Variants in HNRNPM observed in about 807,000 individuals in gnomAD.
HNRNPM encodes CEA receptor.
HNRNPM carries 11 observed loss-of-function variants against 73.1 expected under a neutral mutation model. The observed-to-expected ratio is 0.15, with a 90% confidence interval of 0.09 to 0.25. HNRNPM has a LOEUF of 0.25. HNRNPM is among the 10% of genes least tolerant of loss of function. HNRNPM has a pLI of 1.00. For synonymous variants in HNRNPM, 407 were observed against 355.2 expected (o/e 1.15, Z -1.64); for missense variants, 789 against 1,067.9 (o/e 0.74, Z 3.64).
At chr19:8,470,389 G>A (rs939203205) in intron 9 of HNRNPM, among the ~76,000 whole-genome samples, 1 of 152,080 alleles carries the variant, frequency 6.6e-6, no homozygotes, top group African/African-American at 2.4e-5. Flanking sequence ...GTGCAGTGGT[G>A]CGGTCTTGGC....
intron 12 of HNRNPM, among the ~76,000 whole-genome samples, chr19:8,478,161 C>T (rs1970649108): frequency 6.6e-6 from 1 of 152,144 alleles, no homozygotes; most frequent in Admixed American, 6.6e-5. Context: ...GTTTGTGTGG[C>T]TGTAATGGAA....
intron 8 of HNRNPM, among the ~76,000 whole-genome samples, chr19:8,468,087 A>G (rs1969880700): frequency 1.3e-5 from 2 of 152,136 alleles, no homozygotes; most frequent in Admixed American, 1.3e-4. Flanking sequence ...TGCATTAGAT[A>G]TTTTTCCTTT....
chr19:8,486,249 G>A lies in HNRNPM; in HGVS notation c.1821G>A (p.Met607Ile). Reference sequence around the variant, plus strand: ...CCCTGGGCGCTGGCATTGAGCGCATGGGCCTGGCCATGGGTGGCGGTGGCG... The same window carrying A: ...CCCTGGGCGCTGGCATTGAGCGCATAGGCCTGGCCATGGGTGGCGGTGGCG... ...GPALGAGIERMGLAMGGGGGA... is the reference protein window; with the variant it reads ...GPALGAGIERIGLAMGGGGGA... Residue 607 changes from methionine (M) to isoleucine (I), a missense_variant, in exon 14 of 16, where the codon ATG becomes ATA. Coordinates refer to ENST00000325495, the MANE Select transcript of HNRNPM (RefSeq NM_005968.5). 3 of 1,603,194 alleles carry A rather than the reference G, an allele frequency of 1.9e-6. No individual in the cohort carries two copies. The highest frequency in any genetic ancestry group is 1.7e-6 in the Non-Finnish European group (2 of 1,179,574).
intron 12 of HNRNPM, among the ~76,000 whole-genome samples, chr19:8,475,977 A>G (rs1157387194): frequency 6.8e-6 from 1 of 148,066 alleles, no homozygotes; most frequent in Non-Finnish European, 1.5e-5. Context: ...TGTGAGGAGT[A>G]GAGTGATGCA....
chr19:8,488,143 C>T (rs1218686160), intron 15 of HNRNPM: 1 of 152,486 alleles, frequency 6.6e-6, no homozygotes, highest in Non-Finnish European at 1.5e-5. Flanking sequence ...CCCTACCTGC[C>T]CTGGGCCCTC....
chr19:8,483,044 C>T, intron 12 of HNRNPM, 114 bp from the exon 13 acceptor site: 1 of 682,884 alleles, frequency 1.5e-6, no homozygotes, highest in Non-Finnish European at 2.6e-6. Flanking sequence ...AAACCCCTTT[C>T]CCTTTATCTT....
In HNRNPM at chr19:8,448,304, T is replaced by C. The variant is rs190013011; in HGVS notation, c.113+3193T>C. ...TCCTGGGTGTGAGAATAGGATTTGC[T>C]TAATTTTGATGAGAAGTCTGTTCCA... On this transcript the variant is annotated intron_variant, in intron 1 of 15. Coordinates refer to ENST00000325495, the MANE Select transcript of HNRNPM (RefSeq NM_005968.5). 6.6e-5 allele frequency among the ~76,000 whole-genome samples: 10 copies of C among 152,268 alleles called. No individual in the cohort carries two copies. The East Asian group carries it at 1.7e-3, about 26-fold the overall frequency.
At chr19:8,455,722 T>C (rs1209961718) in intron 2 of HNRNPM, 148 bp downstream of exon 2, 1 of 520,644 alleles carries the variant, frequency 1.9e-6, no homozygotes, top group Non-Finnish European at 3.4e-6. Flanking sequence ...TTACCCCACC[T>C]CAGTTTTTTT....
intron 1 of HNRNPM, among the ~76,000 whole-genome samples, chr19:8,449,170 CA>C (rs528302238): frequency 1.4e-3 from 217 of 152,312 alleles, no homozygotes; most frequent in African/African-American, 5.0e-3. Flanking sequence ...GATTAGAAGA[CA>C]GGGTTTTGGA....
chr19:8,487,091 G>A lies in HNRNPM; in HGVS notation c.2029+16G>A, dbSNP rs1466626253. 3.7e-6 allele frequency: 6 copies of A among 1,607,548 alleles called. No homozygotes were observed. The highest frequency in any genetic ancestry group is 1.3e-5 in the African/African-American group (1 of 74,784). On this transcript the variant is annotated intron_variant, in intron 15 of 15. Coordinates refer to ENST00000325495, the MANE Select transcript of HNRNPM (RefSeq NM_005968.5). ...AACGAGTGCGGTAAGTGTTGGGAAC[G>A]GCTTTGTAGGTGCTTCCCTCGTGCT...
At chr19:8,477,813 CTG>C (rs1970624870) in intron 12 of HNRNPM, among the ~76,000 whole-genome samples, 1 of 152,164 alleles carries the variant, frequency 6.6e-6, no homozygotes, top group African/African-American at 2.4e-5. Context: ...ACACGCATTT[CTG>C]TGTTAGGGCA....
intron 2 of HNRNPM, among the ~76,000 whole-genome samples, chr19:8,457,804 T>G (rs1478151744): frequency 6.6e-6 from 1 of 152,244 alleles, no homozygotes; most frequent in African/African-American, 2.4e-5. Context: ...AATATTTACT[T>G]GAAATTTGTT....
intron 9 of HNRNPM, among the ~76,000 whole-genome samples, chr19:8,469,161 T>C (rs1969962390): frequency 6.6e-6 from 1 of 152,224 alleles, no homozygotes; most frequent in South Asian, 2.1e-4. Context: ...AAGATACTGG[T>C]TAGTCCCATG....
chr19:8,481,726 A>AAC (rs1970929079), intron 12 of HNRNPM, among the ~76,000 whole-genome samples: 1 of 152,194 alleles, frequency 6.6e-6, no homozygotes, highest in East Asian at 1.9e-4. Flanking sequence ...AAAAGCCTAA[A>AAC]ACAGAACAAA....
intron 12 of HNRNPM, chr19:8,482,947 A>T (rs1162043674): frequency 1.3e-5 from 7 of 537,578 alleles, no homozygotes; most frequent in Non-Finnish European, 2.3e-5. Flanking sequence ...CAGACTCTGG[A>T]GCTACGTGGG....
intron 2 of HNRNPM, among the ~76,000 whole-genome samples, chr19:8,456,191 T>C (rs902971396): frequency 2.0e-5 from 3 of 152,192 alleles, no homozygotes; most frequent in African/African-American, 7.2e-5. Flanking sequence ...AGGATGTGGA[T>C]TGTCATAGCC....
Position 8,488,670 on chromosome 19 carries a change from C to A in HNRNPM, c.2030-21C>A, listed in dbSNP as rs1490155052. The A allele has an allele frequency of 3.1e-6, 5 of 1,600,288 alleles. No individual in the cohort carries two copies. The South Asian group carries it at 5.5e-5, about 18-fold the overall frequency. The stretch of plus-strand genomic sequence containing the variant: ...ACAAAATCGGGACTGAGTGTCGTCT[C>A]TTCTTCCCTCCCTGTCCTAGGCCAC... On this transcript the variant is annotated intron_variant, in intron 15 of 15. Transcript: ENST00000325495.
Position 8,452,802 on chromosome 19 carries a change from G to A in HNRNPM, c.114-2603G>A, listed in dbSNP as rs75207290. Among the ~76,000 whole-genome samples, 1,433 of 152,176 alleles carry A rather than the reference G, an allele frequency of 9.4e-3. 28 individuals carry two copies. The highest frequency in any genetic ancestry group is 0.033 in the African/African-American group (1,360 of 41,490). Reference sequence around the variant, plus strand: ...TACCACTTGGCACTCTTGTGTTTGGGGACTACACAAAGTTGCTGACTTTAA... The same window carrying A: ...TACCACTTGGCACTCTTGTGTTTGGAGACTACACAAAGTTGCTGACTTTAA... On this transcript the variant is annotated intron_variant, in intron 1 of 15. Coordinates refer to ENST00000325495, the MANE Select transcript of HNRNPM (RefSeq NM_005968.5).
rs1332640923 is a variant in HNRNPM at position 8,462,644 on chromosome 19, C to T, written c.336+63C>T. On this transcript the variant is annotated intron_variant, in intron 3 of 15. Coordinates refer to ENST00000325495, the MANE Select transcript of HNRNPM (RefSeq NM_005968.5). This position sits in a 1 kb window ranked among gnomAD's most constrained non-coding sequence, Gnocchi z 4.5. Reference sequence around the variant, plus strand: ...CATGAAAAATGTAACTGTATGGTGGCGTGGAATCGAATGAAATCAGGAAGG... The same window carrying T: ...CATGAAAAATGTAACTGTATGGTGGTGTGGAATCGAATGAAATCAGGAAGG... The T allele has an allele frequency of 8.3e-6, 11 of 1,320,160 alleles. No individual in the cohort carries two copies. The highest frequency in any genetic ancestry group is 1.7e-5 in the Admixed American group (1 of 59,530). 81.8% of individuals were successfully genotyped at this position (1,320,160 alleles called of 1,614,324 possible). A position where few individuals can be genotyped will look rare whatever the true frequency, so the allele number is the denominator to read the frequency against.
Sources: gnomAD v4.1 joint callset for allele counts (sites outside exome capture counted in the v4.1 genomes callset) on GRCh38, gnomAD v4.1.1 for gene constraint, Gnocchi (gnomAD v3.1) non-coding constraint, MANE v1.5 for transcripts, NCBI Gene and HGNC (gene_info 2026-07-23, HGNC 2026-07-21) for gene names.